LYN: variants seen among roughly 807,000 people sequenced by gnomAD.
LYN encodes the protein LYN proto-oncogene, Src family tyrosine kinase, also known as tyrosine-protein kinase Lyn.
A neutral mutation model predicts 65.0 loss-of-function variants in LYN; 12 were observed. The observed-to-expected ratio is 0.18, with a 90% CI of 0.12 to 0.30. The LOEUF (loss-of-function observed/expected upper bound fraction) is 0.30, where lower values mean the gene tolerates loss of function less well. LYN is among the 10% of genes least tolerant of loss of function. LYN has a pLI of 1.00. For synonymous variants in LYN, 222 were observed against 221.2 expected (o/e 1.00, Z -0.03); for missense variants, 380 against 623.2 (o/e 0.61, Z 4.16).
At chr8:55,891,209 G>A (rs994125864) in intron 1 of LYN, among the ~76,000 whole-genome samples, 1 of 151,906 alleles carries the variant, frequency 6.6e-6, no homozygotes, top group Non-Finnish European at 1.5e-5. Flanking sequence ...AAAATTAGTC[G>A]AACATGGTGG....
At chr8:55,961,607 T>C (rs548365185) in intron 8 of LYN, among the ~76,000 whole-genome samples, 1 of 152,154 alleles carries the variant, frequency 6.6e-6, no homozygotes, top group Admixed American at 6.6e-5. Context: ...TCCTGATGAC[T>C]TCCCCCCTAA....
At chr8:55,963,482 G>A (rs1196688782) in intron 8 of LYN, among the ~76,000 whole-genome samples, 2 of 152,172 alleles carry the variant, frequency 1.3e-5, no homozygotes, top group Non-Finnish European at 2.9e-5. Context: ...TGTCACAGAA[G>A]CTCTGCAATT....
At chr8:55,959,577 A>G (rs1807216842) in intron 8 of LYN, among the ~76,000 whole-genome samples, 1 of 152,254 alleles carries the variant, frequency 6.6e-6, no homozygotes. Context: ...TTCCCACTAA[A>G]TAGAAGTTGT....
chr8:55,935,515 T>C (rs990545085), intron 1 of LYN, among the ~76,000 whole-genome samples: 8 of 152,208 alleles, frequency 5.3e-5, no homozygotes, highest in African/African-American at 1.9e-4. Flanking sequence ...GGCTCACGCC[T>C]GTAATCCCAG....
intron 1 of LYN, among the ~76,000 whole-genome samples, chr8:55,913,163 TC>T (rs1372003640): frequency 6.6e-6 from 1 of 152,220 alleles, no homozygotes; most frequent in Non-Finnish European, 1.5e-5. Flanking sequence ...TGTGTTCGCT[TC>T]CTTTTCCCTG....
At chr8:55,946,421 T>G in intron 2 of LYN, 27 bp from the exon 3 acceptor site, 1 of 1,548,524 alleles carries the variant, frequency 6.5e-7, no homozygotes, top group East Asian at 2.2e-5. Context: ...AACAGAATTT[T>G]TTTTTCTAAC....
At chr8:55,898,107 A>T (rs1805168398) in intron 1 of LYN, among the ~76,000 whole-genome samples, 1 of 151,984 alleles carries the variant, frequency 6.6e-6, no homozygotes, top group African/African-American at 2.4e-5. Flanking sequence ...ATGAGAATAC[A>T]GAAAAGTTCT....
intron 1 of LYN, among the ~76,000 whole-genome samples, chr8:55,939,811 AG>A (rs1300919487): frequency 6.6e-6 from 1 of 152,220 alleles, no homozygotes; most frequent in African/African-American, 2.4e-5. Context: ...TGGTGAAAAA[AG>A]AACTCCCATG....
intron 8 of LYN, among the ~76,000 whole-genome samples, chr8:55,954,471 G>A (rs1451335576): frequency 6.6e-6 from 1 of 152,230 alleles, no homozygotes; most frequent in Admixed American, 6.5e-5. Flanking sequence ...TTCTCAGGCT[G>A]GCAAGAAGTG....
Position 55,943,617 on chromosome 8 carries a change from T to C in LYN, c.132+1626T>C, listed in dbSNP as rs140096312. ...AAAGGCATTTTTATAGTTTCTCTAG[T>C]CTGACATGTTTTTAAATGCTCAGGT... On this transcript the variant is annotated intron_variant, in intron 2 of 12. Transcript: ENST00000519728. Among the ~76,000 whole-genome samples the C allele has an allele frequency of 2.6e-5, 4 of 151,128 alleles. No homozygotes were observed. The East Asian group carries it at 5.9e-4, about 22-fold the overall frequency.
chr8:55,932,379 T>TCC (rs1806296300), intron 1 of LYN, among the ~76,000 whole-genome samples: 2 of 151,926 alleles, frequency 1.3e-5, no homozygotes, highest in Non-Finnish European at 2.9e-5. Context: ...ATAGAACATT[T>TCC]GTCAAAATCT....
intron 1 of LYN, among the ~76,000 whole-genome samples, chr8:55,922,427 G>A (rs891407783): frequency 6.6e-6 from 1 of 151,784 alleles, no homozygotes; most frequent in Admixed American, 6.6e-5. Context: ...ATGTGTGCCA[G>A]TGTATTAATT....
chr8:55,902,287 C>G (rs981801851), intron 1 of LYN, among the ~76,000 whole-genome samples: 17 of 151,332 alleles, frequency 1.1e-4, no homozygotes, highest in Non-Finnish European at 2.1e-4. Context: ...GGATGATAGG[C>G]GTGAGCCATT....
rs1211608486 is a variant in LYN, at chr8:55,880,017, G to A, written c.-92G>A. ...CGGCCAGCAGCCTCCCCATACGCAG[G>A]TCCTGCTGGGCCGCCCCGTCGCGCC... On this transcript the variant is annotated 5_prime_UTR_variant, in exon 1 of 13. Transcript: ENST00000519728. 3.3e-6 allele frequency: 1 copy of A among 305,000 alleles called. No individual in the cohort carries two copies. Among genetic ancestry groups the A allele is most frequent in the Non-Finnish European group, 6.7e-6 (1 of 148,828 alleles). 18.9% of individuals were successfully genotyped at this position (305,000 alleles called of 1,614,324 possible).
At chr8:55,955,904 T>G (rs1807093593) in intron 8 of LYN, among the ~76,000 whole-genome samples, 1 of 152,260 alleles carries the variant, frequency 6.6e-6, no homozygotes, top group African/African-American at 2.4e-5. Flanking sequence ...TAACAGAGTT[T>G]GTTTATCTAC....
At chr8:55,932,979 G>A (rs1213358774) in intron 1 of LYN, among the ~76,000 whole-genome samples, 1 of 152,152 alleles carries the variant, frequency 6.6e-6, no homozygotes, top group African/African-American at 2.4e-5. Flanking sequence ...GGAGGGAGAA[G>A]GGGAGACATT....
intron 2 of LYN, among the ~76,000 whole-genome samples, chr8:55,945,931 C>A (rs945416132): frequency 6.6e-6 from 1 of 152,224 alleles, no homozygotes; most frequent in Admixed American, 6.5e-5. Context: ...AGGGTCCCAC[C>A]TCTTCCGTCT....
In LYN at chr8:55,880,019, C is replaced by T. The variant is rs1485274460; in HGVS notation, c.-90C>T. 1.3e-5 allele frequency: 4 copies of T among 306,566 alleles called. No homozygotes were observed. The highest frequency in any genetic ancestry group is 2.7e-5 in the Non-Finnish European group (4 of 149,956). 19.0% of individuals were successfully genotyped at this position (306,566 alleles called of 1,614,324 possible). The stretch of plus-strand genomic sequence containing the variant: ...GCCAGCAGCCTCCCCATACGCAGGT[C>T]CTGCTGGGCCGCCCCGTCGCGCCCC... On this transcript the variant is annotated 5_prime_UTR_variant, in exon 1 of 13. Coordinates refer to ENST00000519728, the MANE Select transcript of LYN (RefSeq NM_002350.4).
intron 7 of LYN, 59 bp from the exon 8 acceptor site, chr8:55,953,773 A>G: frequency 6.5e-7 from 1 of 1,546,888 alleles, no homozygotes; most frequent in Admixed American, 1.8e-5. Context: ...TTCTTTATAG[A>G]CACAGGTAAA....
Sources: gnomAD v4.1 joint callset for allele counts (sites outside exome capture counted in the v4.1 genomes callset) on GRCh38, gnomAD v4.1.1 for gene constraint, MANE v1.5 for transcripts, NCBI Gene and HGNC (gene_info 2026-07-23, HGNC 2026-07-21) for gene names.